Variants in FOXP2 observed in about 807,000 individuals in gnomAD.
FOXP2 encodes the protein forkhead box P2, also known as forkhead box protein P2.
FOXP2 carries 12 observed loss-of-function variants against 115.8 expected under a neutral mutation model. That is an observed-to-expected ratio of 0.10 (90% CI 0.07 to 0.17). The LOEUF (loss-of-function observed/expected upper bound fraction) is 0.17, where lower values mean the gene tolerates loss of function less well. Ranked by LOEUF, FOXP2 falls within the 10% of genes least tolerant of loss-of-function variation. FOXP2 has a pLI of 1.00. For synonymous variants in FOXP2, 328 were observed against 297.7 expected (o/e 1.10, Z -1.05); for missense variants, 629 against 843.5 (o/e 0.75, Z 3.15).
chr7:114,158,607 AT>A, upstream of FOXP2, among the ~76,000 whole-genome samples: 1 of 152,040 alleles, frequency 6.6e-6, no homozygotes, highest in South Asian at 2.1e-4. Context: ...CCTAATTAAT[AT>A]TTTTGTCTTT....
At chr7:114,139,711 TTTG>T (rs1194792961) in intron 1 of FOXP2, among the ~76,000 whole-genome samples, 15 of 152,186 alleles carry the variant, frequency 9.9e-5, no homozygotes, top group Admixed American at 2.6e-4. Context: ...TATTCCTCTT[TTTG>T]TTGTTGTTGT....
At chr7:114,433,697 C>T (rs1407541171) in intron 2 of FOXP2, among the ~76,000 whole-genome samples, 1 of 151,840 alleles carries the variant, frequency 6.6e-6, no homozygotes, top group Non-Finnish European at 1.5e-5. Context: ...AAACTACTGT[C>T]AAAAATACAT....
rs559522599 is a variant in FOXP2 at position 114,512,503 on chromosome 7, G to A, written c.169-22114G>A. On this transcript the variant is annotated intron_variant, in intron 2 of 16. Transcript: ENST00000350908. ...CAGAGTGGGATGGAAGTGGCTCCAT[G>A]TAACAGTTCTCATGGAAGCACATGG... is the stretch of plus-strand genomic sequence containing the variant. 4.5e-4 allele frequency among the ~76,000 whole-genome samples: 68 copies of A among 152,268 alleles called. No individual in the cohort carries two copies. The South Asian group carries it at 0.014, about 31-fold the overall frequency.
At chr7:114,275,702 T>C (rs1022376640) in intron 1 of FOXP2, among the ~76,000 whole-genome samples, 1 of 152,210 alleles carries the variant, frequency 6.6e-6, no homozygotes, top group Non-Finnish European at 1.5e-5. Context: ...GATTCAGGTG[T>C]CCTTTCAAAT....
rs1562845465 is a variant in FOXP2, at chr7:114,268,070, A to C, written c.-101-19949A>C. 2.0e-5 allele frequency among the ~76,000 whole-genome samples: 3 copies of C among 152,264 alleles called. No homozygotes were observed. In the East Asian group the frequency reaches 5.8e-4, roughly 29 times the overall value. ...GAATCACAATATTTGTCCTCTTGTG[A>C]ACTGGCTAATTTTACTCAGCATAAT... On this transcript the variant is annotated intron_variant, in intron 1 of 17. Coordinates refer to the FOXP2 transcript ENST00000634411.
intron 2 of FOXP2, among the ~76,000 whole-genome samples, chr7:114,309,289 T>C (rs750779754): frequency 2.6e-5 from 4 of 152,186 alleles, no homozygotes; most frequent in Admixed American, 6.5e-5. Flanking sequence ...GGAAACTGGT[T>C]TCTTGTTATC....
chr7:114,363,653 TAA>T (rs1346669131), intron 2 of FOXP2, among the ~76,000 whole-genome samples: 1 of 152,092 alleles, frequency 6.6e-6, no homozygotes, highest in African/African-American at 2.4e-5. Context: ...AACAATTGAG[TAA>T]ATTATAGCTA....
intron 1 of FOXP2, among the ~76,000 whole-genome samples, chr7:114,246,087 G>T (rs1761697525): frequency 1.3e-5 from 2 of 152,056 alleles, no homozygotes; most frequent in Non-Finnish European, 2.9e-5. Flanking sequence ...GGAAGCCAAA[G>T]TTTCTTCCAG....
At chr7:114,442,723 AGTT>A (rs890274207) in intron 2 of FOXP2, among the ~76,000 whole-genome samples, 2 of 152,038 alleles carry the variant, frequency 1.3e-5, no homozygotes, top group Non-Finnish European at 2.9e-5. Flanking sequence ...GGACCTCCCG[AGTT>A]GTTGTGATTA....
At chr7:114,293,736 T>A (rs563870774) in intron 2 of FOXP2, among the ~76,000 whole-genome samples, 1 of 152,308 alleles carries the variant, frequency 6.6e-6, no homozygotes, top group East Asian at 1.9e-4. Flanking sequence ...TACCACCCTG[T>A]CTTCAGAAGA....
At chr7:114,171,112 G>T (rs1793125281) in intron 1 of FOXP2, among the ~76,000 whole-genome samples, 1 of 152,138 alleles carries the variant, frequency 6.6e-6, no homozygotes, top group African/African-American at 2.4e-5. Flanking sequence ...AAATCCTAGG[G>T]CCTTAATAAT....
At chr7:114,217,129 C>T (rs1208137324) in intron 1 of FOXP2, among the ~76,000 whole-genome samples, 8 of 152,144 alleles carry the variant, frequency 5.3e-5, no homozygotes, top group Non-Finnish European at 7.4e-5. Context: ...CCAGTCTATA[C>T]CTTGGAATTA....
chr7:114,615,318 AG>A (rs1051374757), intron 3 of FOXP2, among the ~76,000 whole-genome samples: 3 of 152,318 alleles, frequency 2.0e-5, no homozygotes, highest in South Asian at 2.1e-4. Flanking sequence ...GTTAACTAAA[AG>A]GATGATCTGC....
intron 12 of FOXP2, 44 bp downstream of exon 12, chr7:114,659,476 C>A (rs1746629024): frequency 6.3e-7 from 1 of 1,589,868 alleles, no homozygotes; most frequent in Non-Finnish European, 8.6e-7. Context: ...AATTAAAATT[C>A]ATTAATGCTT....
At chr7:114,194,810 G>T (rs1156962351) in intron 1 of FOXP2, among the ~76,000 whole-genome samples, 1 of 151,938 alleles carries the variant, frequency 6.6e-6, no homozygotes, top group Non-Finnish European at 1.5e-5. Context: ...AACTAATTTT[G>T]CCTCTTATTA....
chr7:114,611,246 C>A (rs551288077), intron 3 of FOXP2, among the ~76,000 whole-genome samples: 1 of 152,128 alleles, frequency 6.6e-6, no homozygotes, highest in Non-Finnish European at 1.5e-5. Flanking sequence ...TTCTACTGAG[C>A]CACTTATGTG....
chr7:114,277,604 A>C (rs1201402547), intron 1 of FOXP2, among the ~76,000 whole-genome samples: 2 of 152,118 alleles, frequency 1.3e-5, no homozygotes, highest in Non-Finnish European at 1.5e-5. Flanking sequence ...ATATTTTATA[A>C]AATTTTCAAC....
intron 2 of FOXP2, among the ~76,000 whole-genome samples, chr7:114,459,162 C>T (rs1202114342): frequency 2.6e-5 from 4 of 152,146 alleles, no homozygotes; most frequent in African/African-American, 7.2e-5. Flanking sequence ...AAGAGCTAGG[C>T]CCAGAACTGG....
chr7:114,523,251 T>G (rs1798708762), intron 2 of FOXP2, among the ~76,000 whole-genome samples: 1 of 152,164 alleles, frequency 6.6e-6, no homozygotes, highest in South Asian at 2.1e-4. Context: ...GATTAGAACT[T>G]GAATTTTCTG....
Sources: allele counts gnomAD v4.1 joint callset (sites outside exome capture counted in the v4.1 genomes callset), GRCh38; gene constraint gnomAD v4.1.1; transcripts MANE v1.5; gene names NCBI Gene and HGNC (gene_info 2026-07-23, HGNC 2026-07-21).